The following UBE2D4 variants were observed in gnomAD, a reference collection of about 807,000 sequenced individuals.
The protein encoded by UBE2D4 is ubiquitin-conjugating enzyme E2 D4.
UBE2D4 carries 17 observed loss-of-function variants against 23.0 expected under a neutral mutation model. That is an observed-to-expected ratio of 0.74 (90% confidence interval 0.51 to 1.11). The LOEUF (loss-of-function observed/expected upper bound fraction) is 1.11. Among genes scored for constraint, UBE2D4 ranks in the 50% least tolerant of loss-of-function variants. UBE2D4 has a pLI of 0.00. For missense variants in UBE2D4, 139 were observed against 181.8 expected (o/e 0.76, Z 1.35); for synonymous variants, 61 against 69.4 (o/e 0.88, Z 0.60).
chr7:43,947,802 TC>T (rs2095991680), intron 4 of UBE2D4, among the ~76,000 whole-genome samples: 1 of 152,198 alleles, frequency 6.6e-6, no homozygotes. Flanking sequence ...TAATTTACAC[TC>T]CCACCACCAG....
intron 5 of UBE2D4, 112 bp from the exon 6 acceptor site, chr7:43,950,487 A>G: frequency 1.3e-6 from 1 of 782,726 alleles, no homozygotes; most frequent in East Asian, 2.7e-5. Context: ...GGGCTGTTGA[A>G]GGGAAGACAA....
rs1226375098 is a variant in UBE2D4, at chr7:43,943,076, G to A, written c.198+45G>A. 2.5e-6 allele frequency: 4 copies of A among 1,592,438 alleles called. No homozygotes were observed. The African/African-American group carries it at 4.0e-5, about 16-fold the overall frequency. ...TCCCCTGATGTTTGGATGAAGGACAGCATGTGACAAGGGGCCCTTCAAGTC... is the reference window on the plus strand; with the variant it reads ...TCCCCTGATGTTTGGATGAAGGACAACATGTGACAAGGGGCCCTTCAAGTC... On this transcript the variant is annotated intron_variant, in intron 4 of 6. Coordinates refer to ENST00000222402, the MANE Select transcript of UBE2D4 (RefSeq NM_015983.4).
intron 1 of UBE2D4, among the ~76,000 whole-genome samples, chr7:43,932,984 G>GCA (rs1269226650): frequency 3.0e-4 from 26 of 85,808 alleles, no homozygotes; most frequent in African/African-American, 1.1e-3. Context: ...AAATGTTAAA[G>GCA]TATATATATA....
chr7:43,933,581 A>T, intron 1 of UBE2D4, among the ~76,000 whole-genome samples: 1 of 152,094 alleles, frequency 6.6e-6, no homozygotes, highest in East Asian at 1.9e-4. Flanking sequence ...CTCTACTACA[A>T]ATACAAAAAT....
intron 6 of UBE2D4, chr7:43,952,017 T>C (rs2096003688): frequency 6.6e-6 from 1 of 152,098 alleles, no homozygotes; most frequent in South Asian, 2.1e-4. Flanking sequence ...TCTCTCTAAT[T>C]TATAGTCTCA....
intron 1 of UBE2D4, among the ~76,000 whole-genome samples, chr7:43,933,082 CAT>C (rs1222921561): frequency 2.1e-5 from 3 of 144,420 alleles, no homozygotes; most frequent in Non-Finnish European, 3.0e-5. Context: ...TATATATACA[CAT>C]ATGTATGTGT....
intron 3 of UBE2D4, 32 bp downstream of exon 3, chr7:43,942,889 G>C (rs1294035424): frequency 1.2e-6 from 2 of 1,614,202 alleles, no homozygotes; most frequent in Admixed American, 3.3e-5. Flanking sequence ...CACCACTCCA[G>C]TTTTGCTTCT....
At chr7:43,936,804 G>C (rs564922146) in intron 1 of UBE2D4, among the ~76,000 whole-genome samples, 1 of 152,294 alleles carries the variant, frequency 6.6e-6, no homozygotes, top group South Asian at 2.1e-4. Context: ...AAGTTGGCAG[G>C]CAAGTATGAT....
In UBE2D4 at chr7:43,955,016, G is replaced by T. The variant is rs2096010607; in HGVS notation, c.*2321G>T. The T allele has an allele frequency of 6.6e-6, 1 of 152,194 alleles. No homozygotes were observed. The highest frequency in any genetic ancestry group is 1.5e-5 in the Non-Finnish European group (1 of 68,034). 9.4% of individuals were successfully genotyped at this position (152,194 alleles called of 1,614,324 possible). A position where few individuals can be genotyped will look rare whatever the true frequency, so the allele number is the denominator to read the frequency against. On this transcript the variant is annotated 3_prime_UTR_variant, in exon 7 of 7. Coordinates refer to ENST00000222402, the MANE Select transcript of UBE2D4 (RefSeq NM_015983.4). ...GAGAAAGTCAAATCAGCCCTTTGGG[G>T]TTTGTGGTAAAAATTCACTCACCCA...
rs1295310350 is a variant in UBE2D4 at position 43,955,054 on chromosome 7, G to T, written c.*2359G>T. The T allele has an allele frequency of 2.0e-5, 3 of 152,200 alleles. No individual in the cohort carries two copies. The highest frequency in any genetic ancestry group is 7.2e-5 in the African/African-American group (3 of 41,436). The allele number at this position is 152,200 out of a possible 1,614,324, so 9.4% of individuals were successfully genotyped here. ...ATTCACTCACCCATTGAAGCCTAAG[G>T]TGGCTTTGTACCTTCCAGATCTCTC... On this transcript the variant is annotated 3_prime_UTR_variant, in exon 7 of 7. Transcript: ENST00000222402.
At chr7:43,950,977 C>A (rs2096001142) in intron 6 of UBE2D4, among the ~76,000 whole-genome samples, 1 of 152,220 alleles carries the variant, frequency 6.6e-6, no homozygotes, top group Non-Finnish European at 1.5e-5. Flanking sequence ...GCCCTGCCCT[C>A]AAGACCAGCA....
intron 2 of UBE2D4, chr7:43,941,446 G>A (rs1202620550): frequency 1.3e-5 from 2 of 152,386 alleles, no homozygotes; most frequent in African/African-American, 4.8e-5. Flanking sequence ...TGTGCAGCAA[G>A]AGGGGGCTCT....
chr7:43,933,339 A>G (rs1016492694), intron 1 of UBE2D4, among the ~76,000 whole-genome samples: 3 of 151,582 alleles, frequency 2.0e-5, no homozygotes, highest in African/African-American at 7.3e-5. Context: ...TTCTCCTGTT[A>G]TTCTGTAGTC....
At chr7:43,950,119 G>A (rs1455309157) in intron 5 of UBE2D4, among the ~76,000 whole-genome samples, 2 of 152,186 alleles carry the variant, frequency 1.3e-5, no homozygotes, top group Non-Finnish European at 2.9e-5. Flanking sequence ...GCCTCCCAAA[G>A]TGCTGGGATT....
chr7:43,940,352 ATAGCATGCT>A (rs1044832958), intron 2 of UBE2D4, among the ~76,000 whole-genome samples: 1 of 152,222 alleles, frequency 6.6e-6, no homozygotes, highest in African/African-American at 2.4e-5. Flanking sequence ...CCAGGTCTCC[ATAGCATGCT>A]TCCCCTCTTA....
intron 4 of UBE2D4, among the ~76,000 whole-genome samples, chr7:43,948,113 T>C (rs1374353709): frequency 1.3e-5 from 2 of 152,220 alleles, no homozygotes; most frequent in East Asian, 3.8e-4. Context: ...GATGGGTAGA[T>C]TGCAAAATTT....
chr7:43,937,552 T>G (rs1364083194), intron 1 of UBE2D4, among the ~76,000 whole-genome samples: 1 of 152,244 alleles, frequency 6.6e-6, no homozygotes, highest in African/African-American at 2.4e-5. Flanking sequence ...TGGCCAGTGG[T>G]ATACTGGTAG....
chr7:43,942,628 A>G, intron 2 of UBE2D4, 198 bp from the exon 3 acceptor site: 1 of 678,216 alleles, frequency 1.5e-6, no homozygotes, highest in East Asian at 2.7e-5. Context: ...TCTTAAGCAC[A>G]ACCACTTTCA....
At chr7:43,947,805 C>T (rs2095991712) in intron 4 of UBE2D4, among the ~76,000 whole-genome samples, 1 of 151,808 alleles carries the variant, frequency 6.6e-6, no homozygotes, top group African/African-American at 2.4e-5. Flanking sequence ...TTTACACTCC[C>T]ACCACCAGTG....
Sources: allele counts gnomAD v4.1 joint callset (sites outside exome capture counted in the v4.1 genomes callset), GRCh38; gene constraint gnomAD v4.1.1; transcripts MANE v1.5; gene names NCBI Gene and HGNC (gene_info 2026-07-23, HGNC 2026-07-21).